GPI: variants seen among roughly 807,000 people sequenced by gnomAD.
GPI encodes the protein D-hexose-6-phosphate anomerase.
GPI carries 56 observed loss-of-function variants against 75.8 expected under a neutral mutation model. That is an observed-to-expected ratio of 0.74 (90% CI 0.60 to 0.92). GPI has a LOEUF of 0.92. GPI is among the 40% of genes least tolerant of loss of function. GPI has a pLI of 0.00. For missense variants in GPI, 638 were observed against 741.0 expected (o/e 0.86, Z 1.61); for synonymous variants, 288 against 285.4 (o/e 1.01, Z -0.09).
upstream of GPI, among the ~76,000 whole-genome samples, chr19:34,363,648 CA>C (rs1049351303): frequency 1.3e-5 from 2 of 152,144 alleles, no homozygotes; most frequent in African/African-American, 4.8e-5. Context: ...GGTGAAACTC[CA>C]TCTCTACTAA....
chr19:34,366,286 G>A lies in GPI; in HGVS notation c.123-59G>A, dbSNP rs779912076. 3.6e-6 allele frequency: 4 copies of A among 1,101,104 alleles called. No individual in the cohort carries two copies. In the South Asian group the frequency reaches 3.7e-5, roughly 10 times the overall value. 68.2% of individuals were successfully genotyped at this position (1,101,104 alleles called of 1,614,324 possible). A position where few individuals can be genotyped will look rare whatever the true frequency, so the allele number is the denominator to read the frequency against. ...CTTCTGGGAACAGCTCCTGCTTAGG[G>A]CATGGCTCCCCGCTAGGGAGACCAG... On this transcript the variant is annotated intron_variant, in intron 1 of 17. Transcript: ENST00000356487.
intron 12 of GPI, among the ~76,000 whole-genome samples, chr19:34,395,269 C>G (rs1190702283): frequency 6.6e-6 from 1 of 152,042 alleles, no homozygotes; most frequent in African/African-American, 2.4e-5. Flanking sequence ...TGGCTGATGC[C>G]TGCAATCCCA....
chr19:34,381,471 A>G lies in GPI; in HGVS notation c.756A>G (p.Lys252=), dbSNP rs2074650933. The change falls in exon 9 of 18, where the codon AAA becomes AAG. Residue 252 remains lysine (K), a synonymous_variant. Transcript: ENST00000356487. ...HFVALSTNTT[K]VKEFGIDPQN... ...CTTTGTTTTTTTTTTTGTAGACCAAAGTGAAGGAGTTTGGAATTGACCCTC... is the reference window on the plus strand; with the variant it reads ...CTTTGTTTTTTTTTTTGTAGACCAAGGTGAAGGAGTTTGGAATTGACCCTC... 1.2e-6 allele frequency: 2 copies of G among 1,605,104 alleles called. No individual in the cohort carries two copies. Among genetic ancestry groups the G allele is most frequent in the African/African-American group, 1.3e-5 (1 of 74,624 alleles).
At position 34,366,344 on chromosome 19, in the gene GPI, G is replaced by C; in HGVS notation, c.123-1G>C. On this transcript the variant is annotated splice_acceptor_variant, in intron 1 of 17. Coordinates refer to ENST00000356487, the MANE Select transcript of GPI (RefSeq NM_000175.5). LOFTEE classifies it high-confidence loss of function. ...TCAGCAGCATCTCCATCTTTCTGCAGCTTGACCCTCAACACCAACCATGGG... is the reference window on the plus strand; with the variant it reads ...TCAGCAGCATCTCCATCTTTCTGCACCTTGACCCTCAACACCAACCATGGG... 6.2e-7 allele frequency: 1 copy of C among 1,602,972 alleles called. No homozygotes were observed. Among genetic ancestry groups the C allele is most frequent in the Non-Finnish European group, 8.5e-7 (1 of 1,169,804 alleles).
At position 34,377,358 on chromosome 19, in the gene GPI, T is replaced by C. The variant is rs556682563; in HGVS notation, c.403-145T>C. On this transcript the variant is annotated intron_variant, in intron 4 of 17. Transcript: ENST00000356487. ...AAAAATATATATATATATATATATATGGTAAATTAAAAACAAAAAAATAGA... is the reference window on the plus strand; with the variant it reads ...AAAAATATATATATATATATATATACGGTAAATTAAAAACAAAAAAATAGA... 681 of 299,716 alleles carry C rather than the reference T, an allele frequency of 2.3e-3. 14 individuals are homozygous for C. The highest frequency in any genetic ancestry group is 0.021 in the African/African-American group (595 of 28,736). 18.6% of individuals were successfully genotyped at this position (299,716 alleles called of 1,614,324 possible).
Position 34,400,764 on chromosome 19 carries a change from A to C in GPI, c.*728A>C. 1 of 396,762 alleles carries C rather than the reference A, an allele frequency of 2.5e-6. No homozygotes were observed. The highest frequency in any genetic ancestry group is 4.4e-6 in the Non-Finnish European group (1 of 225,234). The allele number at this position is 396,762 out of a possible 1,614,324, so 24.6% of individuals were successfully genotyped here. A position where few individuals can be genotyped will look rare whatever the true frequency, so the allele number is the denominator to read the frequency against. The stretch of plus-strand genomic sequence containing the variant: ...TTTTTTTTTTGAGTCTCGCTCTGTC[A>C]CCCAGACTGGAGTGCAGTGGTGCAA... On this transcript the variant is annotated 3_prime_UTR_variant, in exon 18 of 18. Transcript: ENST00000356487.
intron 4 of GPI, among the ~76,000 whole-genome samples, chr19:34,369,556 A>C (rs914250130): frequency 3.9e-5 from 6 of 151,968 alleles, no homozygotes; most frequent in Non-Finnish European, 8.8e-5. Flanking sequence ...AAAATACAAA[A>C]ATTAGCCAGT....
upstream of GPI, chr19:34,365,046 G>C (rs946750560): frequency 4.3e-5 from 65 of 1,499,816 alleles, no homozygotes; most frequent in Non-Finnish European, 5.7e-5. Flanking sequence ...TGAGGCCCCA[G>C]ATCAGCGGCC....
In GPI at chr19:34,400,223, T is replaced by TCC. The variant is rs1396620721; in HGVS notation, c.*189_*190dup. On this transcript the variant is annotated 3_prime_UTR_variant, in exon 18 of 18. Coordinates refer to ENST00000356487, the MANE Select transcript of GPI (RefSeq NM_000175.5). ...ACCCCCAGCCCCTCCATGTCTATGCTCCCTCTGTGTTAGAATTGGCTGAAG... is the reference window on the plus strand; with the variant it reads ...ACCCCCAGCCCCTCCATGTCTATGCTCCCCCTCTGTGTTAGAATTGGCTGAAG... The TCC allele has an allele frequency of 1.2e-5, 8 of 667,638 alleles. No individual in the cohort carries two copies. Among genetic ancestry groups the TCC allele is most frequent in the Non-Finnish European group, 2.2e-5 (8 of 371,848 alleles). The allele number at this position is 667,638 out of a possible 1,614,324, so 41.4% of individuals were successfully genotyped here.
intron 9 of GPI, among the ~76,000 whole-genome samples, chr19:34,386,412 C>T (rs1170513708): frequency 6.6e-6 from 1 of 151,538 alleles, no homozygotes; most frequent in Non-Finnish European, 1.5e-5. Flanking sequence ...GCTGGCCCAC[C>T]ATGTGTGGTC....
At position 34,393,406 on chromosome 19, in the gene GPI, C is replaced by T; in HGVS notation, c.865+98C>T. 1 of 953,540 alleles carries T rather than the reference C, an allele frequency of 1.0e-6. No homozygotes were observed. The highest frequency in any genetic ancestry group is 1.3e-5 in the South Asian group (1 of 77,660). The allele number at this position is 953,540 out of a possible 1,614,324, so 59.1% of individuals were successfully genotyped here. On this transcript the variant is annotated intron_variant, in intron 10 of 17. Coordinates refer to ENST00000356487, the MANE Select transcript of GPI (RefSeq NM_000175.5). This position sits in a 1 kb window ranked among gnomAD's most constrained non-coding sequence, Gnocchi z 4.4. ...GTGTCCCTGAACATCATGCTGTCCT[C>T]ACAGGCTGCTGGCCTCTCTGCAGCT...
At chr19:34,386,720 G>C (rs1256222164) in intron 9 of GPI, among the ~76,000 whole-genome samples, 1 of 152,196 alleles carries the variant, frequency 6.6e-6, no homozygotes, top group Non-Finnish European at 1.5e-5. Context: ...TGGGTAGGTA[G>C]ATGTATCTCT....
At position 34,377,597 on chromosome 19, in the gene GPI, A is replaced by G; in HGVS notation, c.486+11A>G. 5 of 1,609,440 alleles carry G rather than the reference A, an allele frequency of 3.1e-6. No individual in the cohort carries two copies. The highest frequency in any genetic ancestry group is 1.7e-6 in the Non-Finnish European group (2 of 1,176,074). On this transcript the variant is annotated intron_variant, in intron 5 of 17. Coordinates refer to ENST00000356487, the MANE Select transcript of GPI (RefSeq NM_000175.5). The stretch of plus-strand genomic sequence containing the variant: ...GGCGGCTCCGACCTGGTGAGGAGAA[A>G]ACTGCCTTGGGGTAGGGTGGGAGTC...
chr19:34,396,008 G>A (rs940519267), intron 12 of GPI, among the ~76,000 whole-genome samples: 14 of 146,958 alleles, frequency 9.5e-5, no homozygotes, highest in Non-Finnish European at 7.4e-5. Context: ...GCATGATCTC[G>A]GCTCACCACA....
At chr19:34,367,673 A>G (rs1166393838) in intron 3 of GPI, among the ~76,000 whole-genome samples, 1 of 152,046 alleles carries the variant, frequency 6.6e-6, no homozygotes, top group Non-Finnish European at 1.5e-5. Flanking sequence ...TCCTCTGCTG[A>G]CTTCAGGCCA....
chr19:34,372,348 A>C (rs2074467879), intron 4 of GPI, among the ~76,000 whole-genome samples: 1 of 152,194 alleles, frequency 6.6e-6, no homozygotes, highest in Non-Finnish European at 1.5e-5. Context: ...AGTTTATTTA[A>C]AGAAAAAGTA....
chr19:34,379,801 C>T (rs1228919931), intron 8 of GPI: 13 of 629,114 alleles, frequency 2.1e-5, no homozygotes, highest in Middle Eastern at 8.5e-4. Context: ...CCCCTTCTTC[C>T]GTCTCCCAGG....
intron 7 of GPI, 148 bp downstream of exon 7, chr19:34,379,153 ATTGT>A (rs2074601027): frequency 6.7e-6 from 5 of 751,216 alleles, no homozygotes; most frequent in Non-Finnish European, 1.2e-5. Flanking sequence ...AGATGAGATG[ATTGT>A]TCATCTTGGC....
chr19:34,390,499 G>C (rs938280494), intron 9 of GPI, among the ~76,000 whole-genome samples: 5 of 152,016 alleles, frequency 3.3e-5, no homozygotes, highest in African/African-American at 1.2e-4. Flanking sequence ...CAAGGAGGTG[G>C]GCTAAGTACA....
Sources: gnomAD v4.1 joint callset for allele counts (sites outside exome capture counted in the v4.1 genomes callset) on GRCh38, gnomAD v4.1.1 for gene constraint, Gnocchi (gnomAD v3.1) non-coding constraint, MANE v1.5 for transcripts, NCBI Gene and HGNC (gene_info 2026-07-23, HGNC 2026-07-21) for gene names.